The following LRP5 variants were observed in gnomAD, a reference collection of about 807,000 sequenced individuals.
The protein encoded by LRP5 is LDL receptor related protein 5.
LRP5 carries 62 observed loss-of-function variants against 154.1 expected under a neutral mutation model. That is an observed-to-expected ratio of 0.40 (90% CI 0.33 to 0.50). The LOEUF (loss-of-function observed/expected upper bound fraction) is 0.50. Ranked by LOEUF, LRP5 falls within the 20% of genes least tolerant of loss-of-function variation. LRP5 has a pLI of 0.55. For missense variants in LRP5, 1,915 were observed against 2,336.7 expected (o/e 0.82, Z 3.72); for synonymous variants, 966 against 1,011.5 (o/e 0.96, Z 0.85).
intron 1 of LRP5, among the ~76,000 whole-genome samples, chr11:68,338,198 A>T (rs1385605838): frequency 6.6e-6 from 1 of 152,190 alleles, no homozygotes; most frequent in African/African-American, 2.4e-5. Flanking sequence ...TCCGATGAGC[A>T]GTTGGAGGCC....
intron 5 of LRP5, among the ~76,000 whole-genome samples, chr11:68,384,176 G>GCTC (rs1290948885): frequency 6.6e-6 from 1 of 152,214 alleles, no homozygotes; most frequent in Non-Finnish European, 1.5e-5. Context: ...GTCAGGAGGG[G>GCTC]CTCCTGTCTT....
intron 5 of LRP5, among the ~76,000 whole-genome samples, chr11:68,370,545 G>A (rs1332278773): frequency 1.3e-5 from 2 of 152,188 alleles, no homozygotes; most frequent in African/African-American, 4.8e-5. Context: ...TGGACTAGCA[G>A]CGAGCCCTGC....
chr11:68,308,149 A>G (rs1041952028), upstream of LRP5, among the ~76,000 whole-genome samples: 3 of 152,228 alleles, frequency 2.0e-5, no homozygotes, highest in Admixed American at 6.5e-5. Flanking sequence ...TGAGCCTGGC[A>G]GTGGGCACTC....
rs1416939294 is a variant in LRP5, at chr11:68,406,751, G to T, written c.2029G>T (p.Ala677Ser). The T allele has an allele frequency of 1.2e-6, 2 of 1,614,096 alleles. No individual in the cohort carries two copies. Among genetic ancestry groups the T allele is most frequent in the Non-Finnish European group, 1.7e-6 (2 of 1,180,016 alleles). The change falls in exon 9 of 23, where the codon GCC (alanine) becomes TCC (serine). Residue 677 changes from alanine to serine, a missense_variant. Transcript: ENST00000294304. Reference sequence around the variant, plus strand: ...CATCCCGCTCACGGGCGTCAAGGAGGCCTCAGCCCTGGACTTTGATGTGTC... The same window carrying T: ...CATCCCGCTCACGGGCGTCAAGGAGTCCTCAGCCCTGGACTTTGATGTGTC... ...VAIPLTGVKE[A>S]SALDFDVSNN...
intron 7 of LRP5, among the ~76,000 whole-genome samples, chr11:68,393,374 CT>C (rs2098647454): frequency 6.6e-6 from 1 of 152,254 alleles, no homozygotes; most frequent in South Asian, 2.1e-4. Context: ...TTAGGTTTGA[CT>C]TACTGAGGAA....
rs111810402 is a variant in LRP5, at chr11:68,444,124, CTA to C, written c.4489-2310_4489-2309del. The stretch of plus-strand genomic sequence containing the variant: ...CGGGGTCTATCAGGAGGCAGAAACT[CTA>C]TGAGAATTTGAACAGAGAAAGTTCC... On this transcript the variant is annotated intron_variant, in intron 21 of 22. Transcript: ENST00000294304. Among the ~76,000 whole-genome samples the C allele has an allele frequency of 5.9e-5, 9 of 152,248 alleles. 2 individuals are homozygous for C. Among genetic ancestry groups the C allele is most frequent in the African/African-American group, 2.2e-4 (9 of 41,524 alleles).
At chr11:68,314,288 C>G (rs2098591297) in intron 1 of LRP5, among the ~76,000 whole-genome samples, 2 of 152,072 alleles carry the variant, frequency 1.3e-5, no homozygotes, top group Non-Finnish European at 2.9e-5. Flanking sequence ...GAGTCAAATG[C>G]CTGTCGTCCA....
At chr11:68,394,529 G>C (rs929118983) in intron 7 of LRP5, among the ~76,000 whole-genome samples, 3 of 151,364 alleles carry the variant, frequency 2.0e-5, no homozygotes, top group African/African-American at 7.3e-5. Context: ...GCAGTGGCAC[G>C]ATCTCGGCTC....
At chr11:68,317,686 G>C (rs1201628637) in intron 1 of LRP5, among the ~76,000 whole-genome samples, 1 of 152,240 alleles carries the variant, frequency 6.6e-6, no homozygotes, top group Non-Finnish European at 1.5e-5. Context: ...TGGTCCCTGT[G>C]CTCCAGGTCC....
At chr11:68,381,497 C>T (rs1335799013) in intron 5 of LRP5, among the ~76,000 whole-genome samples, 1 of 152,092 alleles carries the variant, frequency 6.6e-6, no homozygotes, top group African/African-American at 2.4e-5. Flanking sequence ...CTGGCCCTTG[C>T]CCCAAGCCCC....
chr11:68,351,801 G>A (rs1327418237), intron 2 of LRP5, among the ~76,000 whole-genome samples: 4 of 152,190 alleles, frequency 2.6e-5, no homozygotes, highest in Non-Finnish European at 4.4e-5. Flanking sequence ...GTGCTGTGGC[G>A]AGGGGCTTCC....
chr11:68,372,552 G>A (rs1296916947), intron 5 of LRP5, among the ~76,000 whole-genome samples: 1 of 151,916 alleles, frequency 6.6e-6, no homozygotes, highest in African/African-American at 2.4e-5. Flanking sequence ...TTTTGTCATC[G>A]TGTTGGGAGC....
At chr11:68,391,468 C>T (rs1336526713) in intron 7 of LRP5, among the ~76,000 whole-genome samples, 1 of 152,238 alleles carries the variant, frequency 6.6e-6, no homozygotes, top group Non-Finnish European at 1.5e-5. Context: ...CCTTTGCTCT[C>T]CTCAGGGCTC....
intron 3 of LRP5, among the ~76,000 whole-genome samples, chr11:68,359,974 G>C (rs897242005): frequency 1.3e-5 from 2 of 150,998 alleles, no homozygotes; most frequent in Non-Finnish European, 3.0e-5. Flanking sequence ...TTTTTAGTAG[G>C]GACGGGGTTT....
In LRP5 at chr11:68,423,775, C is replaced by T. The variant is rs1591310103; in HGVS notation, c.3236+78C>T. On this transcript the variant is annotated intron_variant, in intron 14 of 22. Coordinates refer to ENST00000294304, the MANE Select transcript of LRP5 (RefSeq NM_002335.4). The surrounding 1 kb of genome is among the most constrained non-coding windows in gnomAD (Gnocchi z 4.7). Reference sequence around the variant, plus strand: ...TGTCTTCTGCCGAATGCCAGCCTCTCACAGGCTGGGGAGACTTTCCACCCT... The same window carrying T: ...TGTCTTCTGCCGAATGCCAGCCTCTTACAGGCTGGGGAGACTTTCCACCCT... 1.4e-6 allele frequency: 2 copies of T among 1,414,356 alleles called. No individual in the cohort carries two copies. Among genetic ancestry groups the T allele is most frequent in the East Asian group, 2.3e-5 (1 of 43,280 alleles). 87.6% of individuals were successfully genotyped at this position (1,414,356 alleles called of 1,614,324 possible).
chr11:68,400,967 T>C (rs1477276639), intron 7 of LRP5, among the ~76,000 whole-genome samples: 1 of 152,212 alleles, frequency 6.6e-6, no homozygotes, highest in Non-Finnish European at 1.5e-5. Context: ...TTTTTCTAAA[T>C]GCTGATTCTT....
chr11:68,372,802 G>T (rs992032648), intron 5 of LRP5, among the ~76,000 whole-genome samples: 1 of 152,226 alleles, frequency 6.6e-6, no homozygotes, highest in East Asian at 1.9e-4. Context: ...AGGGGCAGTG[G>T]GGAGCACGGC....
intron 5 of LRP5, among the ~76,000 whole-genome samples, chr11:68,375,581 G>C (rs1174572623): frequency 6.6e-6 from 1 of 152,206 alleles, no homozygotes; most frequent in Non-Finnish European, 1.5e-5. Context: ...GAGTGTGGCA[G>C]GTGCACCAGG....
intron 4 of LRP5, among the ~76,000 whole-genome samples, chr11:68,365,045 C>T (rs1026027784): frequency 2.0e-5 from 3 of 152,130 alleles, no homozygotes; most frequent in African/African-American, 7.2e-5. Flanking sequence ...GCAAGAGGGA[C>T]AGTGTTCCTA....
Sources: allele counts gnomAD v4.1 joint callset (sites outside exome capture counted in the v4.1 genomes callset), GRCh38; gene constraint gnomAD v4.1.1; non-coding constraint Gnocchi (gnomAD v3.1); transcripts MANE v1.5; gene names NCBI Gene and HGNC (gene_info 2026-07-23, HGNC 2026-07-21).